The following ZC3HC1 variants were observed in gnomAD, a reference collection of about 807,000 sequenced individuals.
ZC3HC1 encodes zinc finger C3HC-type containing 1, also known as zinc finger C3HC-type protein 1.
Under a neutral mutation model 61.9 loss-of-function variants are expected in ZC3HC1, and 38 were observed. The ratio of observed to expected loss-of-function variants is 0.61; its 90% confidence interval spans 0.47 to 0.81. ZC3HC1 has a LOEUF of 0.81. Ranked by LOEUF, ZC3HC1 falls within the 30% of genes least tolerant of loss-of-function variation. ZC3HC1 has a pLI of 0.00. For missense variants in ZC3HC1, 554 were observed against 622.7 expected (o/e 0.89, Z 1.17); for synonymous variants, 213 against 229.9 (o/e 0.93, Z 0.67).
At chr7:130,047,344 C>T (rs899128173) in intron 2 of ZC3HC1, among the ~76,000 whole-genome samples, 1 of 152,158 alleles carries the variant, frequency 6.6e-6, no homozygotes, top group Non-Finnish European at 1.5e-5. Context: ...GATCCGCCCA[C>T]CTTGGCCTCC....
intron 4 of ZC3HC1, among the ~76,000 whole-genome samples, chr7:130,034,987 A>C (rs1267580818): frequency 6.6e-6 from 1 of 152,028 alleles, no homozygotes; most frequent in Non-Finnish European, 1.5e-5. Context: ...CTTCTCTTCT[A>C]TTCTCCCCAC....
At chr7:130,020,668 G>GA (rs569435739) in intron 9 of ZC3HC1, among the ~76,000 whole-genome samples, 4 of 149,796 alleles carry the variant, frequency 2.7e-5, no homozygotes, top group African/African-American at 4.9e-5. Context: ...ACACACTACC[G>GA]AAAAAAAAAG....
chr7:130,047,450 T>C (rs1794909025), intron 2 of ZC3HC1, among the ~76,000 whole-genome samples: 1 of 152,222 alleles, frequency 6.6e-6, no homozygotes, highest in African/African-American at 2.4e-5. Flanking sequence ...TTTATGGTCT[T>C]AAATTCTGAG....
chr7:130,034,758 T>C (rs925077104), intron 4 of ZC3HC1, among the ~76,000 whole-genome samples: 2 of 152,058 alleles, frequency 1.3e-5, no homozygotes, highest in African/African-American at 4.8e-5. Flanking sequence ...TGCAAAACAC[T>C]GGGATTACAG....
At chr7:130,029,411 A>G (rs10954257) in intron 4 of ZC3HC1, among the ~76,000 whole-genome samples, 152,272 of 152,286 alleles carry the variant, frequency 1, 76,129 homozygotes, top group Middle Eastern at 1. Context: ...TAAAAAACAC[A>G]TATTGAATGA....
intron 2 of ZC3HC1, among the ~76,000 whole-genome samples, chr7:130,048,157 T>G (rs1284169226): frequency 6.8e-6 from 1 of 146,136 alleles, no homozygotes; most frequent in Non-Finnish European, 1.5e-5. Flanking sequence ...TTTTTTTTTT[T>G]TTTTTTTTTT....
intron 4 of ZC3HC1, among the ~76,000 whole-genome samples, chr7:130,032,718 G>GAA (rs1452918674): frequency 7.0e-4 from 80 of 113,654 alleles, no homozygotes; most frequent in African/African-American, 2.6e-3. Flanking sequence ...AGGAAGGAAG[G>GAA]GAAGGAGGGA....
At chr7:130,042,339 T>C (rs1049078913) in intron 2 of ZC3HC1, among the ~76,000 whole-genome samples, 2 of 151,514 alleles carry the variant, frequency 1.3e-5, no homozygotes, top group Non-Finnish European at 2.9e-5. Context: ...ATTGGTTGTC[T>C]GGTAGAATAT....
intron 4 of ZC3HC1, among the ~76,000 whole-genome samples, chr7:130,032,757 G>GGGAAGGGAAGGA (rs1563079451): frequency 3.4e-5 from 2 of 59,308 alleles, no homozygotes; most frequent in South Asian, 2.1e-3. Flanking sequence ...GAGGGGAAGG[G>GGGAAGGGAAGGA]GGGAAGGGAA....
At position 130,026,151 on chromosome 7, in the gene ZC3HC1, G is replaced by GACTCACCT; in HGVS notation, c.775_776+6dup. The GACTCACCT allele has an allele frequency of 6.2e-7, 1 of 1,611,320 alleles. No individual in the cohort carries two copies. Among genetic ancestry groups the GACTCACCT allele is most frequent in the Non-Finnish European group, 8.5e-7 (1 of 1,177,954 alleles). On this transcript the variant is annotated splice_region_variant and intron_variant, in intron 6 of 9. Coordinates refer to ENST00000358303, the MANE Select transcript of ZC3HC1 (RefSeq NM_016478.5). ...TTCATGTCTCCAGGCAAAATCTGCTGACTCACCTACACGCCCAGCCACACA... is the reference window on the plus strand; with the variant it reads ...TTCATGTCTCCAGGCAAAATCTGCTGACTCACCTACTCACCTACACGCCCAGCCACACA...
At chr7:130,049,521 T>C (rs571627572) in intron 1 of ZC3HC1, among the ~76,000 whole-genome samples, 105 of 151,924 alleles carry the variant, frequency 6.9e-4, no homozygotes, top group Non-Finnish European at 1.1e-3. Context: ...GTATGCATTA[T>C]ACAATTTGAA....
chr7:130,041,125 A>C, intron 2 of ZC3HC1, 24 bp from the exon 3 acceptor site: 1 of 1,605,152 alleles, frequency 6.2e-7, no homozygotes, highest in Non-Finnish European at 8.5e-7. Flanking sequence ...GAAAAACAAC[A>C]CAGCAAATAT....
At chr7:130,032,214 AT>A (rs1794229943) in intron 4 of ZC3HC1, among the ~76,000 whole-genome samples, 1 of 60,524 alleles carries the variant, frequency 1.7e-5, no homozygotes, top group African/African-American at 6.5e-5. Context: ...ACAGAACAAG[AT>A]TCCCTCTAAA....
chr7:130,026,324 C>A lies in ZC3HC1; in HGVS notation c.622-12G>T. 4 of 1,586,954 alleles carry A rather than the reference C, an allele frequency of 2.5e-6. No homozygotes were observed. Among genetic ancestry groups the A allele is most frequent in the East Asian group, 2.3e-5 (1 of 44,364 alleles). On this transcript the variant is annotated splice_polypyrimidine_tract_variant and intron_variant, in intron 5 of 9. Coordinates refer to ENST00000358303, the MANE Select transcript of ZC3HC1 (RefSeq NM_016478.5). The stretch of plus-strand genomic sequence containing the variant: ...TCTTCTGTCAAGCACTACAAGGGAG[C>A]CAAGTAAAAAACTTCGTTTCAACCA...
At chr7:130,026,503 C>T (rs1489107105) in intron 5 of ZC3HC1, 191 bp from the exon 6 acceptor site, 1 of 489,848 alleles carries the variant, frequency 2.0e-6, no homozygotes, top group Non-Finnish European at 3.5e-6. Flanking sequence ...TTCTGAATTG[C>T]CCTGAATCTG....
At chr7:130,040,803 C>T (rs987413102) in intron 3 of ZC3HC1, 148 bp downstream of exon 3, 4 of 795,368 alleles carry the variant, frequency 5.0e-6, no homozygotes, top group African/African-American at 5.5e-5. Context: ...AGCAAGACCC[C>T]ATCTCAAAAA....
rs985906316 is a variant in ZC3HC1, at chr7:130,047,914, G to A, written c.258+1119C>T. Reference sequence around the variant, plus strand: ...CACTTTTGAGATTAGATTACAAAATGAGGCTGGCTTGTATCTTGTTCTCTC... The same window carrying A: ...CACTTTTGAGATTAGATTACAAAATAAGGCTGGCTTGTATCTTGTTCTCTC... On this transcript the variant is annotated intron_variant, in intron 2 of 9. Transcript: ENST00000358303. Among the ~76,000 whole-genome samples, 9 of 152,140 alleles carry A rather than the reference G, an allele frequency of 5.9e-5. 1 individual carries two copies. In the East Asian group the frequency reaches 1.7e-3, roughly 29 times the overall value.
intron 9 of ZC3HC1, among the ~76,000 whole-genome samples, chr7:130,019,294 C>T (rs914519045): frequency 6.6e-5 from 10 of 152,194 alleles, no homozygotes; most frequent in Admixed American, 4.6e-4. Context: ...CGTGATCCGC[C>T]TGCCTCGGCC....
chr7:130,019,461 C>A (rs1269712588), intron 9 of ZC3HC1, among the ~76,000 whole-genome samples: 1 of 152,146 alleles, frequency 6.6e-6, no homozygotes, highest in Non-Finnish European at 1.5e-5. Context: ...AAACCAAGGA[C>A]AACTAATAAA....
Sources: allele counts gnomAD v4.1 joint callset (sites outside exome capture counted in the v4.1 genomes callset), GRCh38; gene constraint gnomAD v4.1.1; transcripts MANE v1.5; gene names NCBI Gene and HGNC (gene_info 2026-07-23, HGNC 2026-07-21).